The following C14orf132 variants were observed in gnomAD, a reference collection of about 807,000 sequenced individuals.
C14orf132 encodes chromosome 14 open reading frame 132, also known as uncharacterized protein C14orf132.
In C14orf132, 6 loss-of-function variants were observed where a neutral mutation model predicts 5.8. That is an observed-to-expected ratio of 1.03 (90% CI 0.57 to 2.04). The LOEUF is 2.04. Among genes scored for constraint, C14orf132 ranks in the 30% most tolerant of loss-of-function variants. The pLI is 0.00. For synonymous variants in C14orf132, 51 were observed against 49.8 expected, an observed-to-expected ratio of 1.02 and a Z score of -0.10; for missense variants, 125 against 115.8, an observed-to-expected ratio of 1.08 and a Z score of -0.37.
rs1244695999 is a variant in C14orf132 at position 96,092,060 on chromosome 14, A to G, written c.*5325A>G. Reference sequence around the variant, plus strand: ...AGAAAACAGTTACTGCCAGAAGCAGAATGGAAGAGCCAAAAAGTACACAAA... The same window carrying G: ...AGAAAACAGTTACTGCCAGAAGCAGGATGGAAGAGCCAAAAAGTACACAAA... On this transcript the variant is annotated 3_prime_UTR_variant, in exon 2 of 2. Transcript: ENST00000555004. The G allele has an allele frequency of 6.6e-6, 1 of 152,246 alleles. No homozygotes were observed. The highest frequency in any genetic ancestry group is 2.4e-5 in the African/African-American group (1 of 41,458). The allele number at this position is 152,246 out of a possible 1,614,324, so 9.4% of individuals were successfully genotyped here. A position where few individuals can be genotyped will look rare whatever the true frequency, so the allele number is the denominator to read the frequency against.
rs1566823787 is a variant in C14orf132, at chr14:96,049,588, A to ACATATATACGTATATATG, written c.27+10061_27+10062insCATATATACGTATATATG. Among the ~76,000 whole-genome samples, 29 of 107,158 alleles carry ACATATATACGTATATATG rather than the reference A, an allele frequency of 2.7e-4. 1 individual carries two copies. Among genetic ancestry groups the ACATATATACGTATATATG allele is most frequent in the Admixed American group, 7.7e-4 (8 of 10,430 alleles). The allele number at this position is 107,158 out of a possible 152,430, so 70.3% of individuals were successfully genotyped here. A position where few individuals can be genotyped will look rare whatever the true frequency, so the allele number is the denominator to read the frequency against. ...TATATATACATATATACGTATATAT[A>ACATATATACGTATATATG]TACATATATACGTATATATATACAT... On this transcript the variant is annotated intron_variant, in intron 1 of 1. Coordinates refer to ENST00000555004, the MANE Select transcript of C14orf132 (RefSeq NM_001252507.3).
At position 96,091,572 on chromosome 14, in the gene C14orf132, G is replaced by A. The variant is rs771922400; in HGVS notation, c.*4837G>A. ...TGCTCCCTGCAGCTGCCATCGGCCC[G>A]CTTTGCTTCGTCCTGGCAGATGCCC... is the stretch of plus-strand genomic sequence containing the variant. On this transcript the variant is annotated 3_prime_UTR_variant, in exon 2 of 2. Transcript: ENST00000555004. The A allele has an allele frequency of 4.1e-4, 64 of 155,764 alleles. No individual in the cohort carries two copies. The highest frequency in any genetic ancestry group is 6.9e-4 in the Admixed American group (11 of 15,856). The allele number at this position is 155,764 out of a possible 1,614,324, so 9.6% of individuals were successfully genotyped here.
chr14:96,039,573 G>A lies in C14orf132; in HGVS notation c.27+46G>A. ...CGCGCCCCGGGCCGCCAAGTTTGGGGAGGTTCGGGGCCACGGTCTCGCCCT... is the reference window on the plus strand; with the variant it reads ...CGCGCCCCGGGCCGCCAAGTTTGGGAAGGTTCGGGGCCACGGTCTCGCCCT... On this transcript the variant is annotated intron_variant, in intron 1 of 1. Coordinates refer to ENST00000555004, the MANE Select transcript of C14orf132 (RefSeq NM_001252507.3). This position sits in a 1 kb window ranked among gnomAD's most constrained non-coding sequence, Gnocchi z 5.3. The A allele has an allele frequency of 6.7e-7, 1 of 1,486,716 alleles. No individual in the cohort carries two copies. Among genetic ancestry groups the A allele is most frequent in the Non-Finnish European group, 8.9e-7 (1 of 1,119,276 alleles). The allele number at this position is 1,486,716 out of a possible 1,614,324, so 92.1% of individuals were successfully genotyped here.
intron 1 of C14orf132, among the ~76,000 whole-genome samples, chr14:96,070,648 C>G (rs1172498192): frequency 6.6e-6 from 1 of 151,470 alleles, no homozygotes; most frequent in African/African-American, 2.4e-5. Context: ...CTGACCCCTT[C>G]TACTCCTTGC....
chr14:96,049,379 C>T (rs1011228001), intron 1 of C14orf132, among the ~76,000 whole-genome samples: 17 of 149,336 alleles, frequency 1.1e-4, no homozygotes, highest in Middle Eastern at 3.5e-3. Flanking sequence ...CTCGCTCTGT[C>T]GCCCAGGCTG....
chr14:96,067,192 G>T (rs1887557182), intron 1 of C14orf132, among the ~76,000 whole-genome samples: 2 of 152,230 alleles, frequency 1.3e-5, no homozygotes. Flanking sequence ...GCAGGCAGCA[G>T]CGTGCCAGCA....
chr14:96,042,694 C>A (rs1191204285), intron 1 of C14orf132, among the ~76,000 whole-genome samples: 2 of 152,182 alleles, frequency 1.3e-5, no homozygotes, highest in Non-Finnish European at 2.9e-5. Flanking sequence ...AGGTGCCCTC[C>A]CTGGTGCAGT....
In C14orf132 at chr14:96,071,554, G is replaced by T. The variant is rs373209257; in HGVS notation, c.28-14957G>T. Among the ~76,000 whole-genome samples the T allele has an allele frequency of 3.9e-5, 6 of 152,252 alleles. No individual in the cohort carries two copies. The South Asian group carries it at 8.3e-4, about 21-fold the overall frequency. ...TCTGATTGCCATCATTGCTACTACT[G>T]TCACCCCAATTAAGCCGTGAACACA... On this transcript the variant is annotated intron_variant, in intron 1 of 1. Transcript: ENST00000555004.
At chr14:96,062,988 C>A (rs1023786379) in intron 1 of C14orf132, among the ~76,000 whole-genome samples, 1 of 152,124 alleles carries the variant, frequency 6.6e-6, no homozygotes, top group Non-Finnish European at 1.5e-5. Flanking sequence ...CACCACAGAC[C>A]CTCTCTGCCC....
intron 1 of C14orf132, among the ~76,000 whole-genome samples, chr14:96,061,000 C>G (rs1474827206): frequency 1.3e-5 from 2 of 152,196 alleles, no homozygotes; most frequent in African/African-American, 4.8e-5. Flanking sequence ...AGAACATGCA[C>G]CATCTTTAAA....
chr14:96,085,103 T>C (rs8003062), intron 1 of C14orf132, among the ~76,000 whole-genome samples: 62,227 of 152,030 alleles, frequency 0.41, 13,237 homozygotes, highest in East Asian at 0.54. Context: ...AGATTAGTGC[T>C]ATGGCCTTGA....
chr14:96,083,354 A>G (rs1250772482), intron 1 of C14orf132, among the ~76,000 whole-genome samples: 1 of 152,192 alleles, frequency 6.6e-6, no homozygotes, highest in Non-Finnish European at 1.5e-5. Context: ...AGTCTGGGGT[A>G]TGGTCAGCAG....
At position 96,087,253 on chromosome 14, in the gene C14orf132, G is replaced by T. The variant is rs1488074569; in HGVS notation, c.*518G>T. The T allele has an allele frequency of 6.5e-6, 1 of 154,142 alleles. No individual in the cohort carries two copies. Among genetic ancestry groups the T allele is most frequent in the East Asian group, 1.9e-4 (1 of 5,216 alleles). 9.5% of individuals were successfully genotyped at this position (154,142 alleles called of 1,614,324 possible). A position where few individuals can be genotyped will look rare whatever the true frequency, so the allele number is the denominator to read the frequency against. ...CATTGGATGTTCCTAGTTTGACTTT[G>T]AAATGGCACCTTTGCCACCAGACAC... On this transcript the variant is annotated 3_prime_UTR_variant, in exon 2 of 2. Transcript: ENST00000555004.
At chr14:96,049,657 G>T (rs61982725) in intron 1 of C14orf132, among the ~76,000 whole-genome samples, 5,246 of 94,604 alleles carry the variant, frequency 0.055, 799 homozygotes, top group Non-Finnish European at 0.077. Flanking sequence ...TATATATAGA[G>T]AGAGAGAGAG....
intron 1 of C14orf132, among the ~76,000 whole-genome samples, chr14:96,049,332 T>C (rs944798098): frequency 6.6e-6 from 1 of 151,250 alleles, no homozygotes; most frequent in African/African-American, 2.4e-5. Flanking sequence ...TTGAAGCTTT[T>C]ATTTTATTTT....
At chr14:96,062,539 T>C (rs1887390580) in intron 1 of C14orf132, among the ~76,000 whole-genome samples, 5 of 152,162 alleles carry the variant, frequency 3.3e-5, no homozygotes, top group Admixed American at 3.3e-4. Flanking sequence ...TGGTAATAAT[T>C]TGAAACACCA....
rs114670716 is a variant in C14orf132, at chr14:96,045,530, T to G, written c.27+6003T>G. ...GTGGAGTTGGATGGAGTGGGGGCTG[T>G]GATGCCCTGGAGAGCTTGGCCAGCC... is the stretch of plus-strand genomic sequence containing the variant. On this transcript the variant is annotated intron_variant, in intron 1 of 1. Coordinates refer to ENST00000555004, the MANE Select transcript of C14orf132 (RefSeq NM_001252507.3). Among the ~76,000 whole-genome samples the G allele has an allele frequency of 7.9e-3, 1,205 of 152,296 alleles. 11 individuals carry two copies. The highest frequency in any genetic ancestry group is 0.028 in the African/African-American group (1,145 of 41,552).
At chr14:96,079,483 G>C (rs576751787) in intron 1 of C14orf132, among the ~76,000 whole-genome samples, 1 of 152,220 alleles carries the variant, frequency 6.6e-6, no homozygotes, top group South Asian at 2.1e-4. Context: ...ATGACTGTGT[G>C]TGTTTCAGTC....
chr14:96,077,461 G>T (rs1887904104), intron 1 of C14orf132, among the ~76,000 whole-genome samples: 1 of 152,122 alleles, frequency 6.6e-6, no homozygotes, highest in Admixed American at 6.5e-5. Flanking sequence ...CAGTATGATT[G>T]GCATCCTTAT....
Sources: gnomAD v4.1 joint callset for allele counts (sites outside exome capture counted in the v4.1 genomes callset) on GRCh38, gnomAD v4.1.1 for gene constraint, Gnocchi (gnomAD v3.1) non-coding constraint, MANE v1.5 for transcripts, NCBI Gene and HGNC (gene_info 2026-07-23, HGNC 2026-07-21) for gene names.